SLC2A13: variants seen among roughly 807,000 people sequenced by gnomAD.
SLC2A13 encodes the protein solute carrier family 2 member 13, also known as proton myo-inositol cotransporter.
A neutral mutation model predicts 64.4 loss-of-function variants in SLC2A13; 32 were observed. That is an observed-to-expected ratio of 0.50 (90% CI 0.37 to 0.67). The LOEUF (loss-of-function observed/expected upper bound fraction) is 0.67. Ranked by LOEUF, SLC2A13 falls within the 30% of genes least tolerant of loss-of-function variation. The pLI, the probability that SLC2A13 is intolerant of heterozygous loss-of-function variation, is 0.00. For synonymous variants in SLC2A13, 338 were observed against 327.1 expected, an observed-to-expected ratio of 1.03 and a Z score of -0.36; for missense variants, 743 against 829.2, an observed-to-expected ratio of 0.90 and a Z score of 1.28.
At chr12:39,905,346 C>G (rs962785274) in intron 4 of SLC2A13, among the ~76,000 whole-genome samples, 2 of 152,116 alleles carry the variant, frequency 1.3e-5, no homozygotes, top group Non-Finnish European at 2.9e-5. Flanking sequence ...TAATACTGCT[C>G]ATCCAAGCTG....
At chr12:39,939,331 C>G (rs1321739550) in intron 4 of SLC2A13, among the ~76,000 whole-genome samples, 2 of 152,170 alleles carry the variant, frequency 1.3e-5, no homozygotes, top group Admixed American at 1.3e-4. Context: ...ATTCTGATAG[C>G]TCGCTATAAA....
At chr12:40,070,145 TC>T (rs1440999899) in intron 1 of SLC2A13, among the ~76,000 whole-genome samples, 29 of 147,972 alleles carry the variant, frequency 2.0e-4, no homozygotes, top group Non-Finnish European at 2.2e-4. Context: ...CTGTATAAAA[TC>T]TATGGCAGGA....
At chr12:39,802,179 TG>T (rs1357740573) in intron 7 of SLC2A13, 2 of 152,210 alleles carry the variant, frequency 1.3e-5, no homozygotes, top group Non-Finnish European at 2.9e-5. Context: ...AGTCTCTGTT[TG>T]ATTTAGTGCT....
At chr12:40,103,512 G>A (rs970092500) in intron 1 of SLC2A13, among the ~76,000 whole-genome samples, 1 of 152,094 alleles carries the variant, frequency 6.6e-6, no homozygotes, top group African/African-American at 2.4e-5. Context: ...TCTGGAAGGG[G>A]ACCTTACACA....
intron 1 of SLC2A13, among the ~76,000 whole-genome samples, chr12:40,076,954 G>A (rs1310762038): frequency 6.6e-6 from 1 of 152,030 alleles, no homozygotes. Context: ...GGCTGTGTGT[G>A]TCTTCTTTTG....
At chr12:39,803,885 C>T (rs1941884112) in intron 7 of SLC2A13, among the ~76,000 whole-genome samples, 1 of 151,900 alleles carries the variant, frequency 6.6e-6, no homozygotes, top group Non-Finnish European at 1.5e-5. Flanking sequence ...TTAGGAAGGA[C>T]AACGATCCCT....
At chr12:39,927,073 C>A (rs148087056) in intron 4 of SLC2A13, among the ~76,000 whole-genome samples, 2,088 of 152,176 alleles carry the variant, frequency 0.014, 134 homozygotes, top group Admixed American at 0.1. Context: ...TTAGTTTGAT[C>A]ATATATAAAT....
chr12:39,993,715 C>A (rs932056669), intron 3 of SLC2A13, among the ~76,000 whole-genome samples: 4 of 152,122 alleles, frequency 2.6e-5, no homozygotes, highest in African/African-American at 9.7e-5. Flanking sequence ...TTTAATAGGT[C>A]ATGAGCCATT....
At chr12:39,809,124 C>G (rs1942065543) in intron 7 of SLC2A13, among the ~76,000 whole-genome samples, 1 of 152,074 alleles carries the variant, frequency 6.6e-6, no homozygotes, top group African/African-American at 2.4e-5. Flanking sequence ...CCACCTTCAC[C>G]CGCAATGTAG....
At chr12:39,785,075 G>A (rs950053324) in intron 7 of SLC2A13, among the ~76,000 whole-genome samples, 3 of 152,138 alleles carry the variant, frequency 2.0e-5, no homozygotes, top group South Asian at 2.1e-4. Flanking sequence ...AATTCAAGCC[G>A]GCTGCAGAAA....
At chr12:39,960,805 T>C (rs1286043201) in intron 3 of SLC2A13, among the ~76,000 whole-genome samples, 1 of 142,716 alleles carries the variant, frequency 7.0e-6, no homozygotes, top group African/African-American at 2.6e-5. Flanking sequence ...TGGAGTGCAG[T>C]GGCGTGATTT....
At chr12:40,080,580 C>T (rs985482808) in intron 1 of SLC2A13, among the ~76,000 whole-genome samples, 2 of 151,972 alleles carry the variant, frequency 1.3e-5, no homozygotes, top group Non-Finnish European at 2.9e-5. Flanking sequence ...TTGGTAGAGA[C>T]GGGGTTTCAT....
chr12:39,984,600 C>CTAA (rs1468196452), intron 3 of SLC2A13, among the ~76,000 whole-genome samples: 1 of 152,060 alleles, frequency 6.6e-6, no homozygotes, highest in African/African-American at 2.4e-5. Flanking sequence ...TTCTGGATTA[C>CTAA]TAATATCCAG....
chr12:39,969,681 T>C (rs1946605216), intron 3 of SLC2A13, among the ~76,000 whole-genome samples: 1 of 152,240 alleles, frequency 6.6e-6, no homozygotes, highest in Admixed American at 6.5e-5. Flanking sequence ...TTGGAGTTCA[T>C]TGTAGATTCT....
At chr12:39,834,020 A>G (rs944149741) in intron 6 of SLC2A13, among the ~76,000 whole-genome samples, 1 of 151,964 alleles carries the variant, frequency 6.6e-6, no homozygotes, top group Non-Finnish European at 1.5e-5. Flanking sequence ...GGCCTCACTG[A>G]GTTCTTCCCA....
intron 4 of SLC2A13, among the ~76,000 whole-genome samples, chr12:39,913,758 AACAT>A (rs1439834636): frequency 3.3e-5 from 5 of 151,984 alleles, no homozygotes; most frequent in Non-Finnish European, 1.5e-5. Context: ...TGTGGGGAGA[AACAT>A]ATAATCTTTC....
At chr12:39,965,786 A>C (rs1946500859) in intron 3 of SLC2A13, among the ~76,000 whole-genome samples, 1 of 152,150 alleles carries the variant, frequency 6.6e-6, no homozygotes, top group East Asian at 1.9e-4. Context: ...AACCTATGAT[A>C]TATCACTATG....
intron 1 of SLC2A13, among the ~76,000 whole-genome samples, chr12:40,092,925 CA>C (rs1187960624): frequency 6.6e-6 from 1 of 152,216 alleles, no homozygotes; most frequent in African/African-American, 2.4e-5. Flanking sequence ...CCTCTTCCCA[CA>C]AATCTGTCTG....
intron 7 of SLC2A13, among the ~76,000 whole-genome samples, chr12:39,822,476 C>T (rs778113940): frequency 3.3e-4 from 51 of 152,300 alleles, no homozygotes; most frequent in Non-Finnish European, 6.6e-4. Flanking sequence ...GCACCAGCCA[C>T]GCATTTTCCT....
Sources: allele counts gnomAD v4.1 joint callset (sites outside exome capture counted in the v4.1 genomes callset), GRCh38; gene constraint gnomAD v4.1.1; transcripts MANE v1.5; gene names NCBI Gene and HGNC (gene_info 2026-07-23, HGNC 2026-07-21).